Variants in CBFA2T3 observed in about 807,000 individuals in gnomAD.
CBFA2T3 encodes transcriptional corepressor CBFA2T3.
In CBFA2T3, 31 loss-of-function variants were observed where a neutral mutation model predicts 58.6. The ratio of observed to expected loss-of-function variants is 0.53; its 90% CI spans 0.40 to 0.71. The LOEUF is 0.71. Ranked by LOEUF, CBFA2T3 falls within the 30% of genes least tolerant of loss-of-function variation. The pLI is 0.00. For missense variants in CBFA2T3, 1,076 were observed against 963.1 expected, an observed-to-expected ratio of 1.12 and a Z score of -1.55; for synonymous variants, 531 against 421.9, an observed-to-expected ratio of 1.26 and a Z score of -3.17.
chr16:88,963,695 C>T (rs559728543), intron 1 of CBFA2T3, among the ~76,000 whole-genome samples: 79 of 152,362 alleles, frequency 5.2e-4, no homozygotes, highest in African/African-American at 1.8e-3. Context: ...CGCTGCAGTG[C>T]GCATCAGGAA....
intron 5 of CBFA2T3, among the ~76,000 whole-genome samples, chr16:88,889,542 G>A (rs980065356): frequency 6.6e-6 from 1 of 151,926 alleles, no homozygotes; most frequent in African/African-American, 2.4e-5. Context: ...ACAGACCTAG[G>A]TTTGAGCCCT....
chr16:88,953,230 C>T lies in CBFA2T3; in HGVS notation c.151+23427G>A, dbSNP rs1001941362. Reference sequence around the variant, plus strand: ...TGTCATGCTCAGCCAGACCCGCTCCCGGTGGAGAGGCCGAGGGACCCTCAT... The same window carrying T: ...TGTCATGCTCAGCCAGACCCGCTCCTGGTGGAGAGGCCGAGGGACCCTCAT... On this transcript the variant is annotated intron_variant, in intron 1 of 11. Coordinates refer to ENST00000268679, the MANE Select transcript of CBFA2T3 (RefSeq NM_005187.6). This position sits in a 1 kb window ranked among gnomAD's most constrained non-coding sequence, Gnocchi z 4.9. 3.9e-5 allele frequency among the ~76,000 whole-genome samples: 6 copies of T among 152,348 alleles called. 1 individual carries two copies. The South Asian group carries it at 1.0e-3, about 26-fold the overall frequency.
Position 88,875,827 on chromosome 16 carries a change from G to GAAA in CBFA2T3, c.*1146_*1148dup. 1 of 233,430 alleles carries GAAA rather than the reference G, an allele frequency of 4.3e-6. No individual in the cohort carries two copies. Among genetic ancestry groups the GAAA allele is most frequent in the Non-Finnish European group, 8.5e-6 (1 of 117,988 alleles). The allele number at this position is 233,430 out of a possible 1,614,324, so 14.5% of individuals were successfully genotyped here. On this transcript the variant is annotated 3_prime_UTR_variant, in exon 12 of 12. Coordinates refer to ENST00000268679, the MANE Select transcript of CBFA2T3 (RefSeq NM_005187.6). ...CTTTAGCACTTTTTTTCCACAAGTG[G>GAAA]AAAACGGAAATATGAAAAGTCACAG...
intron 1 of CBFA2T3, among the ~76,000 whole-genome samples, chr16:88,925,769 C>T (rs911785110): frequency 6.6e-6 from 1 of 152,212 alleles, no homozygotes; most frequent in Non-Finnish European, 1.5e-5. Flanking sequence ...ATGTGCTTTC[C>T]CGGGGGCTCA....
chr16:88,898,004 G>T lies in CBFA2T3; in HGVS notation c.379+74C>A, dbSNP rs564605329. 264 of 1,083,906 alleles carry T rather than the reference G, an allele frequency of 2.4e-4. 2 individuals are homozygous for T. In the South Asian group the frequency reaches 3.2e-3, roughly 13 times the overall value. The allele number at this position is 1,083,906 out of a possible 1,614,324, so 67.1% of individuals were successfully genotyped here. A position where few individuals can be genotyped will look rare whatever the true frequency, so the allele number is the denominator to read the frequency against. ...AGGAGAGCTGAGCGCCCCCAGGGCA[G>T]CAGTGTTGGGCCAGCTGAGGATGCT... is the stretch of plus-strand genomic sequence containing the variant. On this transcript the variant is annotated intron_variant, in intron 3 of 11. Coordinates refer to ENST00000268679, the MANE Select transcript of CBFA2T3 (RefSeq NM_005187.6).
At chr16:88,913,700 G>C (rs936186933) in intron 1 of CBFA2T3, among the ~76,000 whole-genome samples, 1 of 152,164 alleles carries the variant, frequency 6.6e-6, no homozygotes. Context: ...CTCAGGACAT[G>C]TGCACAAACA....
chr16:88,907,066 C>G (rs527237154), intron 1 of CBFA2T3, among the ~76,000 whole-genome samples: 6 of 152,280 alleles, frequency 3.9e-5, no homozygotes, highest in Non-Finnish European at 8.8e-5. Context: ...AAGGGGTTTT[C>G]TTTCCAGAGC....
At chr16:88,889,288 G>GGAGGAGGGATGGAGCGATA (rs1969526051) in intron 5 of CBFA2T3, among the ~76,000 whole-genome samples, 2 of 144,372 alleles carry the variant, frequency 1.4e-5, no homozygotes, top group African/African-American at 5.4e-5. Context: ...GAGGAAGGCG[G>GGAGGAGGGATGGAGCGATA]GAGGAGGGAT....
chr16:88,903,134 G>A (rs1019119549), intron 1 of CBFA2T3, among the ~76,000 whole-genome samples: 1 of 152,196 alleles, frequency 6.6e-6, no homozygotes, highest in African/African-American at 2.4e-5. Context: ...ATCGTCAGAC[G>A]GAGAGATCCA....
intron 1 of CBFA2T3, among the ~76,000 whole-genome samples, chr16:88,921,701 C>T (rs1970926731): frequency 6.6e-6 from 1 of 152,224 alleles, no homozygotes; most frequent in Non-Finnish European, 1.5e-5. Flanking sequence ...AACAGGACCC[C>T]TGGGAATTAG....
At chr16:88,913,022 C>A (rs183585244) in intron 1 of CBFA2T3, among the ~76,000 whole-genome samples, 1 of 152,382 alleles carries the variant, frequency 6.6e-6, no homozygotes, top group Admixed American at 6.5e-5. Flanking sequence ...GATTTCCCAC[C>A]CTGCCAAAGC....
intron 1 of CBFA2T3, among the ~76,000 whole-genome samples, chr16:88,962,821 T>G (rs987030642): frequency 4.6e-5 from 7 of 152,180 alleles, no homozygotes; most frequent in Non-Finnish European, 1.5e-5. Context: ...ACCCTGGAGA[T>G]GAGGGGCGCT....
At chr16:88,922,581 T>G (rs561732) in intron 1 of CBFA2T3, among the ~76,000 whole-genome samples, 1 of 152,066 alleles carries the variant, frequency 6.6e-6, no homozygotes, top group African/African-American at 2.4e-5. Context: ...GCCTCTCCTA[T>G]CCCACGCCAG....
intron 7 of CBFA2T3, chr16:88,883,481 A>T (rs1005269009): frequency 3.3e-5 from 5 of 152,596 alleles, no homozygotes; most frequent in African/African-American, 1.2e-4. Flanking sequence ...ACTCTGTTCA[A>T]TACAGCGTGT....
At chr16:88,940,427 CG>C in intron 1 of CBFA2T3, 1 of 153,216 alleles carries the variant, frequency 6.5e-6, no homozygotes, top group Non-Finnish European at 1.5e-5. Context: ...CAGCCTGGCT[CG>C]GGGCCTGCCC....
intron 1 of CBFA2T3, among the ~76,000 whole-genome samples, chr16:88,916,464 AT>A (rs1314905865): frequency 3.3e-5 from 5 of 150,804 alleles, no homozygotes; most frequent in African/African-American, 9.9e-5. Flanking sequence ...ATGTGGGTGT[AT>A]GTGTGCGTGT....
chr16:88,918,486 A>G (rs954542184), intron 1 of CBFA2T3, among the ~76,000 whole-genome samples: 1 of 152,224 alleles, frequency 6.6e-6, no homozygotes, highest in Non-Finnish European at 1.5e-5. Flanking sequence ...CCTCCTGGAC[A>G]GGGTGGGGCT....
intron 1 of CBFA2T3, chr16:88,941,153 G>A (rs1157535632): frequency 1.0e-6 from 1 of 983,072 alleles, no homozygotes; most frequent in Non-Finnish European, 1.2e-6. Flanking sequence ...TTCTGGCGCC[G>A]CACCGGGCTC....
intron 1 of CBFA2T3, among the ~76,000 whole-genome samples, chr16:88,903,025 G>A (rs1274748141): frequency 6.6e-6 from 1 of 152,214 alleles, no homozygotes; most frequent in African/African-American, 2.4e-5. Context: ...CATGAAACAG[G>A]TGAGGCCACA....
Sources: allele counts gnomAD v4.1 joint callset (sites outside exome capture counted in the v4.1 genomes callset), GRCh38; gene constraint gnomAD v4.1.1; non-coding constraint Gnocchi (gnomAD v3.1); transcripts MANE v1.5; gene names NCBI Gene and HGNC (gene_info 2026-07-23, HGNC 2026-07-21).